LHFPL3: variants seen among roughly 807,000 people sequenced by gnomAD.
LHFPL3 encodes the protein LHFPL tetraspan subfamily member 3.
LHFPL3 carries 5 observed loss-of-function variants against 19.3 expected under a neutral mutation model. The observed-to-expected ratio is 0.26, with a 90% CI of 0.14 to 0.54. LHFPL3 has a LOEUF of 0.54. LHFPL3 is among the 20% of genes least tolerant of loss of function. LHFPL3 has a pLI of 0.94. For synonymous variants in LHFPL3, 133 were observed against 126.2 expected (o/e 1.05, Z -0.36); for missense variants, 249 against 307.4 (o/e 0.81, Z 1.42).
At chr7:104,716,740 C>A (rs1268382140) in intron 1 of LHFPL3, among the ~76,000 whole-genome samples, 1 of 152,114 alleles carries the variant, frequency 6.6e-6, no homozygotes, top group Non-Finnish European at 1.5e-5. Context: ...GTAAAAATGT[C>A]CATACTACCT....
At chr7:104,695,881 C>T (rs1792986880) in intron 1 of LHFPL3, among the ~76,000 whole-genome samples, 1 of 152,180 alleles carries the variant, frequency 6.6e-6, no homozygotes, top group Non-Finnish European at 1.5e-5. Context: ...TCCTTGCTCC[C>T]TCATTTTCTA....
At chr7:104,545,890 A>T (rs183549554) in intron 1 of LHFPL3, among the ~76,000 whole-genome samples, 9 of 152,312 alleles carry the variant, frequency 5.9e-5, no homozygotes, top group African/African-American at 1.7e-4. Flanking sequence ...ATTGCACAAT[A>T]GTCAAGCATC....
intron 2 of LHFPL3, among the ~76,000 whole-genome samples, chr7:104,849,105 A>G (rs1208611563): frequency 6.6e-6 from 1 of 151,954 alleles, no homozygotes; most frequent in Non-Finnish European, 1.5e-5. Flanking sequence ...TAATTTTTGT[A>G]CTTTTAGTAG....
At chr7:104,665,813 T>A (rs1792323336) in intron 1 of LHFPL3, among the ~76,000 whole-genome samples, 1 of 152,256 alleles carries the variant, frequency 6.6e-6, no homozygotes, top group South Asian at 2.1e-4. Context: ...AGTGCCTAGA[T>A]TGACAGGTGT....
intron 1 of LHFPL3, among the ~76,000 whole-genome samples, chr7:104,598,735 A>G (rs562406947): frequency 1.3e-5 from 2 of 152,360 alleles, no homozygotes; most frequent in South Asian, 2.1e-4. Context: ...AACAAAGGCA[A>G]TTCTGCAAGA....
chr7:104,834,990 CT>C (rs1411930130), intron 2 of LHFPL3, among the ~76,000 whole-genome samples: 3 of 151,906 alleles, frequency 2.0e-5, no homozygotes, highest in African/African-American at 7.3e-5. Context: ...TTTTGTCATT[CT>C]TTCTTCCTTG....
intron 2 of LHFPL3, among the ~76,000 whole-genome samples, chr7:104,825,379 T>C (rs1047974223): frequency 4.0e-5 from 6 of 151,872 alleles, no homozygotes; most frequent in African/African-American, 1.5e-4. Flanking sequence ...GGAAAGATCA[T>C]GGACTTGGGA....
At chr7:104,596,131 G>A (rs553136341) in intron 1 of LHFPL3, among the ~76,000 whole-genome samples, 12 of 152,332 alleles carry the variant, frequency 7.9e-5, no homozygotes, top group Admixed American at 2.6e-4. Context: ...GAAATCACCC[G>A]TCTTCCATGT....
intron 1 of LHFPL3, among the ~76,000 whole-genome samples, chr7:104,546,282 AT>A (rs1470238724): frequency 6.6e-6 from 1 of 152,214 alleles, no homozygotes; most frequent in Admixed American, 6.5e-5. Flanking sequence ...TTTGTATTTA[AT>A]TGTAAATTCT....
chr7:104,723,343 T>C (rs187048994), intron 1 of LHFPL3, among the ~76,000 whole-genome samples: 1 of 152,328 alleles, frequency 6.6e-6, no homozygotes, highest in African/African-American at 2.4e-5. Context: ...TTACTCTGTG[T>C]CAGAAGATAT....
At chr7:104,732,564 G>T (rs763067236) in intron 1 of LHFPL3, among the ~76,000 whole-genome samples, 2 of 152,000 alleles carry the variant, frequency 1.3e-5, no homozygotes, top group African/African-American at 2.4e-5. Flanking sequence ...TGGGATTGGT[G>T]GTGATATCCC....
intron 1 of LHFPL3, among the ~76,000 whole-genome samples, chr7:104,601,243 G>A (rs978374295): frequency 5.9e-5 from 9 of 152,040 alleles, no homozygotes; most frequent in African/African-American, 2.2e-4. Flanking sequence ...CAGGAATTCA[G>A]GAGAGATGAT....
At chr7:104,528,555 A>G (rs1354758932) in intron 1 of LHFPL3, among the ~76,000 whole-genome samples, 1 of 152,186 alleles carries the variant, frequency 6.6e-6, no homozygotes, top group Non-Finnish European at 1.5e-5. Context: ...GAACTAGTTG[A>G]ATGAACAAGG....
chr7:104,665,611 T>C (rs1158280604), intron 1 of LHFPL3, among the ~76,000 whole-genome samples: 1 of 152,226 alleles, frequency 6.6e-6, no homozygotes, highest in Non-Finnish European at 1.5e-5. Flanking sequence ...TGATTATAGA[T>C]GTTATAGACA....
intron 1 of LHFPL3, among the ~76,000 whole-genome samples, chr7:104,666,994 CTTT>C (rs975669820): frequency 1.3e-5 from 2 of 152,058 alleles, no homozygotes; most frequent in Non-Finnish European, 2.9e-5. Flanking sequence ...ATTTTCTTTT[CTTT>C]GGATAAATAC....
chr7:104,660,710 A>G (rs1174099483), intron 1 of LHFPL3, among the ~76,000 whole-genome samples: 1 of 152,212 alleles, frequency 6.6e-6, no homozygotes, highest in African/African-American at 2.4e-5. Context: ...CTTGAAGGTT[A>G]TATTAATAGC....
At chr7:104,739,748 T>C (rs976320084) in intron 2 of LHFPL3, among the ~76,000 whole-genome samples, 6 of 152,190 alleles carry the variant, frequency 3.9e-5, no homozygotes, top group Admixed American at 3.9e-4. Flanking sequence ...TTAGAAGAAT[T>C]TATTCAGCAC....
At chr7:104,866,900 C>T (rs1791733879) in intron 2 of LHFPL3, among the ~76,000 whole-genome samples, 1 of 152,140 alleles carries the variant, frequency 6.6e-6, no homozygotes, top group Admixed American at 6.6e-5. Flanking sequence ...TGCAATGAAA[C>T]TAGAACTCAG....
chr7:104,454,140 G>A (rs1274388607), intron 1 of LHFPL3, among the ~76,000 whole-genome samples: 1 of 152,220 alleles, frequency 6.6e-6, no homozygotes, highest in East Asian at 1.9e-4. Flanking sequence ...GCTAACCAAA[G>A]AGGGAGATGG....
Sources: gnomAD v4.1 joint callset for allele counts (sites outside exome capture counted in the v4.1 genomes callset) on GRCh38, gnomAD v4.1.1 for gene constraint, MANE v1.5 for transcripts, NCBI Gene and HGNC (gene_info 2026-07-23, HGNC 2026-07-21) for gene names.